IMPG1: variants seen among roughly 807,000 people sequenced by gnomAD.
IMPG1 encodes the protein interphotoreceptor matrix proteoglycan of 150 kDa.
In IMPG1, 85 loss-of-function variants were observed where a neutral mutation model predicts 92.0. The observed-to-expected ratio is 0.92, with a 90% CI of 0.78 to 1.11. The LOEUF (loss-of-function observed/expected upper bound fraction) is 1.11, where lower values mean the gene tolerates loss of function less well. IMPG1 is among the 50% of genes least tolerant of loss of function. The probability of loss-of-function intolerance (pLI) is 0.00; values close to 1 mark genes in which losing one functional copy is unlikely to be tolerated. For synonymous variants in IMPG1, 367 were observed against 334.1 expected, an observed-to-expected ratio of 1.10 and a Z score of -1.08; for missense variants, 1,022 against 956.0, an observed-to-expected ratio of 1.07 and a Z score of -0.91.
chr6:75,990,338 A>T (rs1341381265), intron 12 of IMPG1, among the ~76,000 whole-genome samples: 2 of 152,206 alleles, frequency 1.3e-5, no homozygotes, highest in East Asian at 3.8e-4. Context: ...TTTCTATCTC[A>T]TTCATTGCCG....
intron 7 of IMPG1, among the ~76,000 whole-genome samples, chr6:76,018,131 T>A (rs1783325983): frequency 6.6e-6 from 1 of 152,232 alleles, no homozygotes; most frequent in Non-Finnish European, 1.5e-5. Flanking sequence ...ACCCTATGGA[T>A]GCCTGAAATT....
chr6:76,003,041 G>T, intron 11 of IMPG1, 45 bp from the exon 12 acceptor site: 1 of 1,385,424 alleles, frequency 7.2e-7, no homozygotes, highest in Non-Finnish European at 1.0e-6. Flanking sequence ...AAGGATGTTT[G>T]TATGTATATG....
chr6:75,977,050 T>A (rs975454513), intron 12 of IMPG1, among the ~76,000 whole-genome samples: 5 of 151,990 alleles, frequency 3.3e-5, no homozygotes, highest in African/African-American at 1.2e-4. Context: ...TACCGGTAAA[T>A]TTGAGGAAGT....
rs548411626 is a variant in IMPG1 at position 76,035,774 on chromosome 6, C to G, written c.302-987G>C. On this transcript the variant is annotated intron_variant, in intron 2 of 16. Coordinates refer to ENST00000369950, the MANE Select transcript of IMPG1 (RefSeq NM_001563.4). ...ACAATCCTTTCCCCATTCATCCATC[C>G]CTATTCTTATTGTGGCACGGTGCCT... Among the ~76,000 whole-genome samples, 60 of 152,262 alleles carry G rather than the reference C, an allele frequency of 3.9e-4. 1 individual carries two copies. In the South Asian group the frequency reaches 0.012, roughly 31 times the overall value.
At chr6:75,961,556 A>G (rs1352517526) in intron 12 of IMPG1, among the ~76,000 whole-genome samples, 1 of 152,188 alleles carries the variant, frequency 6.6e-6, no homozygotes, top group Non-Finnish European at 1.5e-5. Context: ...AAAACAATAC[A>G]AGGAAAAATA....
chr6:76,064,734 C>A (rs552374767), intron 1 of IMPG1, among the ~76,000 whole-genome samples: 2 of 152,148 alleles, frequency 1.3e-5, no homozygotes. Context: ...AATGGAGAAC[C>A]TCTCCTGGTA....
intron 12 of IMPG1, among the ~76,000 whole-genome samples, chr6:75,964,040 T>C (rs535272731): frequency 1.3e-5 from 2 of 152,278 alleles, no homozygotes; most frequent in South Asian, 4.1e-4. Context: ...GGGAATGAGA[T>C]GCTTTGGGGA....
intron 6 of IMPG1, among the ~76,000 whole-genome samples, chr6:76,020,145 C>T (rs573019994): frequency 1.9e-4 from 29 of 152,220 alleles, no homozygotes; most frequent in East Asian, 1.5e-3. Flanking sequence ...CTCAACCTCC[C>T]GGGCTCAAGC....
intron 1 of IMPG1, among the ~76,000 whole-genome samples, chr6:76,070,990 T>G (rs1027251424): frequency 6.6e-6 from 1 of 151,950 alleles, no homozygotes; most frequent in Non-Finnish European, 1.5e-5. Flanking sequence ...AAGTAACATG[T>G]TAGGATTTTT....
chr6:76,057,010 C>T (rs114544165), intron 1 of IMPG1, among the ~76,000 whole-genome samples: 3,940 of 152,168 alleles, frequency 0.026, 145 homozygotes, highest in African/African-American at 0.087. Flanking sequence ...ATGGATAGAG[C>T]TAGAATCCAT....
At position 76,040,184 on chromosome 6, in the gene IMPG1, A is replaced by G. The variant is rs181106975; in HGVS notation, c.301+1709T>C. Among the ~76,000 whole-genome samples the G allele has an allele frequency of 4.0e-3, 612 of 152,344 alleles. 4 individuals are homozygous for G. Among genetic ancestry groups the G allele is most frequent in the Non-Finnish European group, 5.6e-3 (382 of 68,038 alleles). ...TGTCATTGCTGTGGGGAGAAAAACA[A>G]TGGTTTGTTTCATCCAGGGAAACAA... is the stretch of plus-strand genomic sequence containing the variant. On this transcript the variant is annotated intron_variant, in intron 2 of 16. Transcript: ENST00000369950.
intron 2 of IMPG1, among the ~76,000 whole-genome samples, chr6:76,038,899 C>T (rs1783788071): frequency 6.6e-6 from 1 of 152,236 alleles, no homozygotes; most frequent in African/African-American, 2.4e-5. Flanking sequence ...TCCTGGCCTG[C>T]AGACAGTTAT....
chr6:76,018,754 T>TGG lies in IMPG1; in HGVS notation c.769_770dup (p.Tyr258HisfsTer6). 2 of 1,613,546 alleles carry TGG rather than the reference T, an allele frequency of 1.2e-6. No homozygotes were observed. Among genetic ancestry groups the TGG allele is most frequent in the Non-Finnish European group, 1.7e-6 (2 of 1,179,728 alleles). On this transcript the variant is annotated frameshift_variant, in exon 7 of 17. Transcript: ENST00000369950. LOFTEE classifies it high-confidence loss of function. ...ACTTTCCTGCTAGCTCCTGGTAATA[T>TGG]GGGGACTGGGAGTCAGCGAGCTCTG...
chr6:75,964,268 TG>T (rs1446325467), intron 12 of IMPG1, among the ~76,000 whole-genome samples: 4 of 152,194 alleles, frequency 2.6e-5, no homozygotes, highest in Admixed American at 1.3e-4. Flanking sequence ...TTGGAGATGA[TG>T]AAAGATTTCT....
chr6:76,016,027 C>G lies in IMPG1; in HGVS notation c.807+2691G>C, dbSNP rs76726582. On this transcript the variant is annotated intron_variant, in intron 7 of 16. Coordinates refer to ENST00000369950, the MANE Select transcript of IMPG1 (RefSeq NM_001563.4). ...ATATTAATCTCCTTTCCTCAGTTACCTCTTACAAAAAGAGGAAATAATATT... is the reference window on the plus strand; with the variant it reads ...ATATTAATCTCCTTTCCTCAGTTACGTCTTACAAAAAGAGGAAATAATATT... 6.0e-3 allele frequency among the ~76,000 whole-genome samples: 915 copies of G among 152,130 alleles called. 8 individuals are homozygous for G. The highest frequency in any genetic ancestry group is 0.021 in the African/African-American group (861 of 41,492).
chr6:76,057,024 C>T (rs1784130845), intron 1 of IMPG1, among the ~76,000 whole-genome samples: 1 of 152,106 alleles, frequency 6.6e-6, no homozygotes, highest in Admixed American at 6.6e-5. Context: ...AATCCATTAT[C>T]CTCAGCAAAC....
At chr6:75,967,884 A>G (rs537017228) in intron 12 of IMPG1, among the ~76,000 whole-genome samples, 1 of 152,338 alleles carries the variant, frequency 6.6e-6, no homozygotes, top group Admixed American at 6.5e-5. Context: ...ACAGGCAATA[A>G]GTAGTTGAGC....
At chr6:76,063,597 T>C (rs1484445480) in intron 1 of IMPG1, among the ~76,000 whole-genome samples, 1 of 152,190 alleles carries the variant, frequency 6.6e-6, no homozygotes, top group Non-Finnish European at 1.5e-5. Flanking sequence ...CAGGGTTGCT[T>C]GTCCTCCTTC....
At chr6:75,956,213 A>G (rs933405093) in intron 12 of IMPG1, among the ~76,000 whole-genome samples, 3 of 152,184 alleles carry the variant, frequency 2.0e-5, no homozygotes, top group Non-Finnish European at 4.4e-5. Context: ...TTTGGTTGTG[A>G]ATCCATCCAG....
Sources: gnomAD v4.1 joint callset for allele counts (sites outside exome capture counted in the v4.1 genomes callset) on GRCh38, gnomAD v4.1.1 for gene constraint, MANE v1.5 for transcripts, NCBI Gene and HGNC (gene_info 2026-07-23, HGNC 2026-07-21) for gene names.